ZNF804B: variants seen among roughly 807,000 people sequenced by gnomAD.
ZNF804B encodes zinc finger 804B.
In ZNF804B, 80 loss-of-function variants were observed where a neutral mutation model predicts 101.4. The observed-to-expected ratio is 0.79, with a 90% CI of 0.66 to 0.95. The LOEUF is 0.95. Among genes scored for constraint, ZNF804B ranks in the 40% least tolerant of loss-of-function variants. ZNF804B has a pLI of 0.00. For missense variants in ZNF804B, 1,673 were observed against 1,561.9 expected, an observed-to-expected ratio of 1.07 and a Z score of -1.20; for synonymous variants, 622 against 558.8, an observed-to-expected ratio of 1.11 and a Z score of -1.59.
intron 1 of ZNF804B, among the ~76,000 whole-genome samples, chr7:88,851,720 A>G (rs1289626156): frequency 1.3e-5 from 2 of 152,140 alleles, no homozygotes; most frequent in Non-Finnish European, 2.9e-5. Flanking sequence ...ATATGAGTAA[A>G]TATAAAGAGT....
intron 1 of ZNF804B, among the ~76,000 whole-genome samples, chr7:88,844,957 G>A (rs1444245113): frequency 1.3e-5 from 2 of 152,114 alleles, no homozygotes; most frequent in African/African-American, 4.8e-5. Flanking sequence ...TCTGCGAGCT[G>A]GAAGTTCTCT....
At chr7:88,977,922 G>A (rs1793639248) in intron 1 of ZNF804B, among the ~76,000 whole-genome samples, 2 of 150,926 alleles carry the variant, frequency 1.3e-5, no homozygotes, top group African/African-American at 4.8e-5. Context: ...GATTTTGTGT[G>A]TTGTGTTTTG....
intron 1 of ZNF804B, among the ~76,000 whole-genome samples, chr7:88,955,553 C>A (rs1793292520): frequency 6.6e-6 from 1 of 151,538 alleles, no homozygotes; most frequent in African/African-American, 2.4e-5. Flanking sequence ...TAAATTTTTT[C>A]CTTTTCATCA....
At chr7:89,128,285 A>C (rs1007479518) in intron 1 of ZNF804B, among the ~76,000 whole-genome samples, 3 of 151,924 alleles carry the variant, frequency 2.0e-5, no homozygotes, top group Non-Finnish European at 4.4e-5. Context: ...TTGTATACTT[A>C]TTGCTGGATC....
At position 88,878,948 on chromosome 7, in the gene ZNF804B, C is replaced by G. The variant is rs1329560913; in HGVS notation, c.108+118864C>G. The stretch of plus-strand genomic sequence containing the variant: ...CCAAATACCTTATGCTTCCGCTCCT[C>G]TAGTCCTCATTCTACTCATGCTTCA... On this transcript the variant is annotated intron_variant, in intron 1 of 3. Transcript: ENST00000333190. Among the ~76,000 whole-genome samples, 3 of 152,246 alleles carry G rather than the reference C, an allele frequency of 2.0e-5. 1 individual carries two copies. Among genetic ancestry groups the G allele is most frequent in the Admixed American group, 2.0e-4 (3 of 15,278 alleles).
intron 1 of ZNF804B, among the ~76,000 whole-genome samples, chr7:88,946,239 T>G (rs1406566519): frequency 6.6e-6 from 1 of 152,062 alleles, no homozygotes; most frequent in African/African-American, 2.4e-5. Flanking sequence ...TAAATAGCTC[T>G]TATTATTTTG....
chr7:89,002,359 C>A (rs964182450), intron 1 of ZNF804B, among the ~76,000 whole-genome samples: 1 of 151,656 alleles, frequency 6.6e-6, no homozygotes, highest in Non-Finnish European at 1.5e-5. Flanking sequence ...CATACAAAAC[C>A]TAATCCTTTA....
At chr7:89,053,288 T>A (rs1789237158) in intron 1 of ZNF804B, among the ~76,000 whole-genome samples, 2 of 152,120 alleles carry the variant, frequency 1.3e-5, no homozygotes, top group Non-Finnish European at 2.9e-5. Flanking sequence ...AATTTCTAAT[T>A]TGACAGACAC....
chr7:89,256,667 C>T (rs1241799321), intron 2 of ZNF804B, among the ~76,000 whole-genome samples: 1 of 152,142 alleles, frequency 6.6e-6, no homozygotes, highest in Non-Finnish European at 1.5e-5. Context: ...CAAGCCAACT[C>T]AAGGATGCAT....
intron 1 of ZNF804B, among the ~76,000 whole-genome samples, chr7:89,005,212 T>C (rs78446872): frequency 0.02 from 3,062 of 152,114 alleles, 112 homozygotes; most frequent in African/African-American, 0.07. Context: ...AAATATTTAT[T>C]CTGTAAGGAG....
intron 1 of ZNF804B, among the ~76,000 whole-genome samples, chr7:89,102,058 A>AT (rs1186198792): frequency 1.3e-5 from 2 of 151,896 alleles, no homozygotes; most frequent in Non-Finnish European, 2.9e-5. Context: ...TATACACCAC[A>AT]TTTTTTTAAT....
intron 2 of ZNF804B, among the ~76,000 whole-genome samples, chr7:89,305,331 A>T (rs2115930936): frequency 6.6e-6 from 1 of 152,102 alleles, no homozygotes; most frequent in East Asian, 1.9e-4. Context: ...TTTTGGCAAA[A>T]TTGTAGGATT....
rs566533319 is a variant in ZNF804B at position 88,843,103 on chromosome 7, C to T, written c.108+83019C>T. On this transcript the variant is annotated intron_variant, in intron 1 of 3. Coordinates refer to ENST00000333190, the MANE Select transcript of ZNF804B (RefSeq NM_181646.5). ...TGTTAGAAACAAAAGCTGAGGAATG[C>T]TTTGTAGTAGAAAGTATCTTTTGGA... 3.5e-3 allele frequency among the ~76,000 whole-genome samples: 534 copies of T among 152,182 alleles called. 2 individuals carry two copies. The highest frequency in any genetic ancestry group is 6.8e-3 in the Middle Eastern group (2 of 294).
intron 1 of ZNF804B, among the ~76,000 whole-genome samples, chr7:88,920,495 T>C (rs1424848626): frequency 2.6e-5 from 4 of 152,064 alleles, no homozygotes; most frequent in African/African-American, 9.7e-5. Flanking sequence ...AAGCAGCTTA[T>C]TGAACAATCT....
chr7:89,062,481 T>C (rs1789395602), intron 1 of ZNF804B, among the ~76,000 whole-genome samples: 1 of 152,156 alleles, frequency 6.6e-6, no homozygotes, highest in Non-Finnish European at 1.5e-5. Context: ...AAATGACTTT[T>C]GTCATATTAT....
intron 1 of ZNF804B, among the ~76,000 whole-genome samples, chr7:89,170,076 T>G (rs1791201525): frequency 6.6e-6 from 1 of 152,216 alleles, no homozygotes; most frequent in African/African-American, 2.4e-5. Context: ...GACCCCAGAC[T>G]GTGCAGATCT....
chr7:89,015,224 G>A (rs999270464), intron 1 of ZNF804B, among the ~76,000 whole-genome samples: 7 of 151,566 alleles, frequency 4.6e-5, no homozygotes, highest in African/African-American at 1.5e-4. Flanking sequence ...TTTTATGCCA[G>A]TATCATTCTG....
intron 1 of ZNF804B, among the ~76,000 whole-genome samples, chr7:89,203,226 A>G (rs922377173): frequency 6.6e-6 from 1 of 152,152 alleles, no homozygotes; most frequent in Non-Finnish European, 1.5e-5. Flanking sequence ...TAGAATACAG[A>G]TAAACATTGG....
chr7:89,131,111 G>A (rs1179085206), intron 1 of ZNF804B, among the ~76,000 whole-genome samples: 1 of 151,982 alleles, frequency 6.6e-6, no homozygotes, highest in South Asian at 2.1e-4. Flanking sequence ...ATAAAGGGAA[G>A]TTCATGTATC....
Sources: allele counts gnomAD v4.1 joint callset (sites outside exome capture counted in the v4.1 genomes callset), GRCh38; gene constraint gnomAD v4.1.1; transcripts MANE v1.5; gene names NCBI Gene and HGNC (gene_info 2026-07-23, HGNC 2026-07-21).